Variants in ACOT11 observed in about 807,000 individuals in gnomAD.
ACOT11 encodes acyl-CoA thioesterase 11.
ACOT11 carries 69 observed loss-of-function variants against 77.5 expected under a neutral mutation model. The observed-to-expected ratio is 0.89, with a 90% CI of 0.73 to 1.09. The LOEUF is 1.09. Ranked by LOEUF, ACOT11 falls within the 50% of genes least tolerant of loss-of-function variation. ACOT11 has a pLI of 0.00. For synonymous variants in ACOT11, 279 were observed against 313.0 expected, an observed-to-expected ratio of 0.89 and a Z score of 1.15; for missense variants, 766 against 813.7, an observed-to-expected ratio of 0.94 and a Z score of 0.71.
intron 1 of ACOT11, among the ~76,000 whole-genome samples, chr1:54,558,079 G>A (rs867868978): frequency 4.6e-5 from 7 of 152,146 alleles, no homozygotes; most frequent in Non-Finnish European, 7.4e-5. Context: ...AGTTAATGAC[G>A]TCTCCTCAGG....
intron 1 of ACOT11, among the ~76,000 whole-genome samples, chr1:54,573,964 G>A (rs532210727): frequency 9.9e-5 from 15 of 151,912 alleles, no homozygotes; most frequent in African/African-American, 3.6e-4. Context: ...AGGAGGTGGA[G>A]GTTGTGGTGA....
chr1:54,638,128 A>G (rs557308816), exon 17 of ACOT11: 4 of 151,756 alleles, frequency 2.6e-5, no homozygotes, highest in Admixed American at 2.6e-4. Flanking sequence ...GGCCCAAAGT[A>G]AAAGATCTTA....
chr1:54,604,486 G>C (rs1297180014), intron 12 of ACOT11, 57 bp downstream of exon 12: 1 of 1,504,896 alleles, frequency 6.6e-7, no homozygotes, highest in African/African-American at 1.4e-5. Context: ...GGTGGCTAAT[G>C]GCAAGCAACA....
chr1:54,565,659 A>G (rs892341411), intron 1 of ACOT11, among the ~76,000 whole-genome samples: 1 of 152,154 alleles, frequency 6.6e-6, no homozygotes, highest in South Asian at 2.1e-4. Flanking sequence ...CAGTAGGTAC[A>G]TGGTAAGTAG....
At chr1:54,594,098 C>A (rs927478744) in intron 5 of ACOT11, 59 bp downstream of exon 5, 2 of 1,497,316 alleles carry the variant, frequency 1.3e-6, no homozygotes, top group Non-Finnish European at 9.2e-7. Flanking sequence ...CCTGCCATGG[C>A]GAGTCTGGCT....
In ACOT11 at chr1:54,558,927, C is replaced by T. The variant is rs538422943; in HGVS notation, c.33+10585C>T. 3.3e-5 allele frequency among the ~76,000 whole-genome samples: 5 copies of T among 152,316 alleles called. No homozygotes were observed. The South Asian group carries it at 8.3e-4, about 25-fold the overall frequency. ...TGCAGTTCCCGCACGCTGGGCTCAG[C>T]GACCCAGGGAAACACATCATCATGG... On this transcript the variant is annotated intron_variant, in intron 1 of 15. Transcript: ENST00000343744.
At chr1:54,578,764 A>G (rs182431032) in intron 1 of ACOT11, among the ~76,000 whole-genome samples, 93 of 152,282 alleles carry the variant, frequency 6.1e-4, no homozygotes, top group Admixed American at 3.3e-3. Context: ...AGCACCTACC[A>G]TTTGGAAGCC....
At chr1:54,618,985 C>T (rs370167900) in intron 15 of ACOT11, among the ~76,000 whole-genome samples, 10 of 152,200 alleles carry the variant, frequency 6.6e-5, no homozygotes, top group African/African-American at 2.2e-4. Flanking sequence ...GTTGCTTCAG[C>T]GTAATTATTA....
rs1333962648 is a variant in ACOT11 at position 54,592,627 on chromosome 1, T to C, written c.372+21T>C. 7 of 1,612,452 alleles carry C rather than the reference T, an allele frequency of 4.3e-6. 1 individual carries two copies. The South Asian group carries it at 6.6e-5, about 15-fold the overall frequency. ...TGGAGGTGTGTGGGGTGGGCACTGC[T>C]TGGGAGTGGGTGCGTGGGTGGGTCC... is the stretch of plus-strand genomic sequence containing the variant. On this transcript the variant is annotated intron_variant, in intron 4 of 15. Coordinates refer to ENST00000343744, the MANE Select transcript of ACOT11 (RefSeq NM_147161.4).
At chr1:54,614,830 C>T (rs750284376), downstream of ACOT11, 2 of 1,613,864 alleles carry the variant, frequency 1.2e-6, no homozygotes, top group Admixed American at 1.7e-5. Flanking sequence ...GGGCCCACTG[C>T]CTTGATGTTC....
chr1:54,600,967 G>A (rs1288162511), intron 8 of ACOT11, among the ~76,000 whole-genome samples: 3 of 152,054 alleles, frequency 2.0e-5, no homozygotes, highest in Non-Finnish European at 2.9e-5. Context: ...TCACAGGGCC[G>A]GACACACACA....
Position 54,607,248 on chromosome 1 carries a change from G to A in ACOT11, c.1485G>A (p.Arg495=), listed in dbSNP as rs760304801. 1 of 1,614,168 alleles carries A rather than the reference G, an allele frequency of 6.2e-7. No individual in the cohort carries two copies. The highest frequency in any genetic ancestry group is 8.5e-7 in the Non-Finnish European group (1 of 1,180,028). The change falls in exon 14 of 16, where the codon CGG becomes CGA. Residue 495 remains arginine, a synonymous_variant. Coordinates refer to ENST00000343744, the MANE Select transcript of ACOT11 (RefSeq NM_147161.4). The surrounding 1 kb of genome is among the most constrained non-coding windows in gnomAD (Gnocchi z 4.5). ...PQDFVILASR[R]KPCDNGDPYV... The stretch of plus-strand genomic sequence containing the variant: ...ACTTCGTGATCCTGGCCTCGAGGCG[G>A]AAGCCTTGTGACAATGGGTGTGTGC...
intron 3 of ACOT11, among the ~76,000 whole-genome samples, chr1:54,587,934 G>A (rs1390128758): frequency 6.6e-6 from 1 of 151,970 alleles, no homozygotes; most frequent in African/African-American, 2.4e-5. Context: ...ATAGTACAAG[G>A]CCGGGCGCAG....
At chr1:54,610,792 T>C (rs1267153838), downstream of ACOT11, 3 of 984,712 alleles carry the variant, frequency 3.0e-6, no homozygotes, top group African/African-American at 5.2e-5. Context: ...TCTGCCTGGC[T>C]CCAGAGCTGG....
At chr1:54,612,737 T>C, downstream of ACOT11, 2 of 1,584,068 alleles carry the variant, frequency 1.3e-6, no homozygotes, top group Non-Finnish European at 8.7e-7. Flanking sequence ...GATGTTGGTC[T>C]CACGGAGCTG....
At chr1:54,582,519 A>G (rs1654347599) in intron 1 of ACOT11, 3 of 985,276 alleles carry the variant, frequency 3.0e-6, no homozygotes, top group South Asian at 4.7e-5. Context: ...CTCCCGTGGC[A>G]TAGGGTCCAA....
chr1:54,632,512 T>C (rs578256157), intron 16 of ACOT11, among the ~76,000 whole-genome samples: 55 of 152,316 alleles, frequency 3.6e-4, no homozygotes, highest in Middle Eastern at 6.8e-3. Flanking sequence ...ATCCAAATTG[T>C]TACATCTACT....
At position 54,607,400 on chromosome 1, in the gene ACOT11, A is replaced by G; in HGVS notation, c.1502+135A>G. 7.6e-7 allele frequency: 1 copy of G among 1,321,788 alleles called. No homozygotes were observed. Among genetic ancestry groups the G allele is most frequent in the East Asian group, 2.3e-5 (1 of 42,780 alleles). The allele number at this position is 1,321,788 out of a possible 1,614,324, so 81.9% of individuals were successfully genotyped here. A position where few individuals can be genotyped will look rare whatever the true frequency, so the allele number is the denominator to read the frequency against. On this transcript the variant is annotated intron_variant, in intron 14 of 15. Coordinates refer to ENST00000343744, the MANE Select transcript of ACOT11 (RefSeq NM_147161.4). The surrounding 1 kb of genome is among the most constrained non-coding windows in gnomAD (Gnocchi z 4.5). ...CATTGGCTGTGGGGCCCCAGGCACC[A>G]CTAGACTTTTCTGGGCTGCTGTGGC...
intron 6 of ACOT11, among the ~76,000 whole-genome samples, chr1:54,595,582 C>G (rs901960057): frequency 6.6e-6 from 1 of 152,160 alleles, no homozygotes; most frequent in Non-Finnish European, 1.5e-5. Context: ...CCCTGTATAT[C>G]TAAGCATAGC....
Sources: allele counts gnomAD v4.1 joint callset (sites outside exome capture counted in the v4.1 genomes callset), GRCh38; gene constraint gnomAD v4.1.1; non-coding constraint Gnocchi (gnomAD v3.1); transcripts MANE v1.5; gene names NCBI Gene and HGNC (gene_info 2026-07-23, HGNC 2026-07-21).